The following SYT1 variants were observed in gnomAD, a reference collection of about 807,000 sequenced individuals.
SYT1 encodes synaptotagmin-1.
Under a neutral mutation model 44.8 loss-of-function variants are expected in SYT1, and 8 were observed. The observed-to-expected ratio is 0.18, with a 90% confidence interval of 0.10 to 0.32. SYT1 has a LOEUF of 0.32. Among genes scored for constraint, SYT1 ranks in the 10% least tolerant of loss-of-function variants. SYT1 has a pLI of 1.00. For missense variants in SYT1, 286 were observed against 509.3 expected, an observed-to-expected ratio of 0.56 and a Z score of 4.22; for synonymous variants, 154 against 188.8, an observed-to-expected ratio of 0.82 and a Z score of 1.51.
At chr12:79,093,019 A>G (rs59601041) in intron 3 of SYT1, among the ~76,000 whole-genome samples, 5,146 of 151,784 alleles carry the variant, frequency 0.034, 174 homozygotes, top group South Asian at 0.11. Flanking sequence ...TGTGAATAAC[A>G]TATCTATAAA....
intron 3 of SYT1, among the ~76,000 whole-genome samples, chr12:79,207,811 C>T (rs754463585): frequency 8.5e-5 from 13 of 152,140 alleles, no homozygotes; most frequent in Admixed American, 3.9e-4. Flanking sequence ...TTAAGAACGA[C>T]GGCTCCTAAG....
At chr12:78,991,955 G>T (rs185271483) in intron 2 of SYT1, among the ~76,000 whole-genome samples, 1 of 152,046 alleles carries the variant, frequency 6.6e-6, no homozygotes, top group Admixed American at 6.6e-5. Context: ...ACTTTATTCT[G>T]CAGCCTCAGA....
intron 8 of SYT1, among the ~76,000 whole-genome samples, chr12:79,349,031 GAAAAAGAA>G (rs1475656947): frequency 6.0e-5 from 5 of 83,626 alleles, no homozygotes; most frequent in South Asian, 4.5e-4. Context: ...AAGAAAGAAA[GAAAAAGAA>G]AGAAAGAAAG....
chr12:79,438,984 T>A (rs1373899558), intron 9 of SYT1, among the ~76,000 whole-genome samples: 2 of 152,104 alleles, frequency 1.3e-5, no homozygotes, highest in Non-Finnish European at 2.9e-5. Flanking sequence ...CGAGAAAAAG[T>A]AAGGGAAGAG....
At chr12:78,934,892 C>G (rs1208796524) in intron 1 of SYT1, among the ~76,000 whole-genome samples, 1 of 152,154 alleles carries the variant, frequency 6.6e-6, no homozygotes, top group Non-Finnish European at 1.5e-5. Context: ...GGAATTCAAG[C>G]AGATCGTGCT....
intron 8 of SYT1, among the ~76,000 whole-genome samples, chr12:79,303,629 A>G (rs1880252237): frequency 6.6e-6 from 1 of 152,160 alleles, no homozygotes; most frequent in African/African-American, 2.4e-5. Context: ...GTATCCAAGC[A>G]GAAGGGAAGA....
chr12:79,046,903 A>G (rs893501726), intron 2 of SYT1, among the ~76,000 whole-genome samples: 1 of 151,948 alleles, frequency 6.6e-6, no homozygotes, highest in African/African-American at 2.4e-5. Flanking sequence ...GATTTGTAAT[A>G]GTCATATTGG....
intron 3 of SYT1, among the ~76,000 whole-genome samples, chr12:79,161,533 A>G (rs967052436): frequency 6.6e-6 from 1 of 152,160 alleles, no homozygotes; most frequent in Non-Finnish European, 1.5e-5. Flanking sequence ...TGCATGCCTT[A>G]TGCCAAATAA....
intron 3 of SYT1, among the ~76,000 whole-genome samples, chr12:79,131,459 A>G (rs1396010041): frequency 6.6e-6 from 1 of 152,126 alleles, no homozygotes; most frequent in Admixed American, 6.5e-5. Flanking sequence ...AATATTACAT[A>G]TGGGAAGCTC....
intron 3 of SYT1, among the ~76,000 whole-genome samples, chr12:79,202,977 A>G (rs1453897988): frequency 6.6e-6 from 1 of 152,172 alleles, no homozygotes; most frequent in Non-Finnish European, 1.5e-5. Flanking sequence ...ATGTAATGAA[A>G]ATCTCTTAGA....
intron 9 of SYT1, among the ~76,000 whole-genome samples, chr12:79,369,383 G>A (rs1883690989): frequency 6.6e-6 from 1 of 152,176 alleles, no homozygotes; most frequent in African/African-American, 2.4e-5. Context: ...AGGTGAGGCA[G>A]GAGGATTGCT....
chr12:79,103,353 G>A (rs992537147), intron 3 of SYT1, among the ~76,000 whole-genome samples: 31 of 151,902 alleles, frequency 2.0e-4, no homozygotes, highest in Non-Finnish European at 1.5e-5. Flanking sequence ...AGTGAAAGAG[G>A]AATGAAAATA....
chr12:79,131,181 T>C (rs1394042347), intron 3 of SYT1, among the ~76,000 whole-genome samples: 2 of 151,990 alleles, frequency 1.3e-5, no homozygotes, highest in African/African-American at 4.8e-5. Flanking sequence ...ATGTGCAGAA[T>C]GTGCAGGTTT....
chr12:79,137,763 T>G (rs1245385927), intron 3 of SYT1, among the ~76,000 whole-genome samples: 1 of 152,248 alleles, frequency 6.6e-6, no homozygotes, highest in African/African-American at 2.4e-5. Context: ...AATTCTATAA[T>G]GCATTTCTTT....
intron 4 of SYT1, among the ~76,000 whole-genome samples, chr12:79,275,244 A>G (rs549433586): frequency 5.9e-5 from 9 of 152,198 alleles, no homozygotes; most frequent in Non-Finnish European, 1.2e-4. Flanking sequence ...GTGGAGGAAG[A>G]CTATGGCTCT....
intron 3 of SYT1, among the ~76,000 whole-genome samples, chr12:79,151,635 C>T (rs558365165): frequency 1.3e-5 from 2 of 152,084 alleles, no homozygotes; most frequent in African/African-American, 2.4e-5. Context: ...ATATTGCAGT[C>T]GAGTTGATGA....
rs1469142074 is a variant in SYT1, at chr12:78,916,478, CTAGT to C, written c.-217+51372_-217+51375del. On this transcript the variant is annotated intron_variant, in intron 1 of 10. Coordinates refer to ENST00000261205, the MANE Select transcript of SYT1 (RefSeq NM_005639.3). ...TCTCTTTTTTGTTTCAAAGTTCAGACTAGTTAAATTGACTTATTTCTCTCTTATC... is the reference window on the plus strand; with the variant it reads ...TCTCTTTTTTGTTTCAAAGTTCAGACTAAATTGACTTATTTCTCTCTTATC... Among the ~76,000 whole-genome samples, 6 of 151,930 alleles carry C rather than the reference CTAGT, an allele frequency of 3.9e-5. No individual in the cohort carries two copies. In the East Asian group the frequency reaches 1.2e-3, roughly 29 times the overall value.
intron 3 of SYT1, among the ~76,000 whole-genome samples, chr12:79,105,837 G>A (rs942229494): frequency 2.0e-5 from 3 of 151,000 alleles, no homozygotes; most frequent in African/African-American, 4.9e-5. Context: ...CCTAGATTGC[G>A]CCACTGCACT....
intron 1 of SYT1, among the ~76,000 whole-genome samples, chr12:78,865,385 G>A (rs1185725096): frequency 6.6e-6 from 1 of 151,712 alleles, no homozygotes; most frequent in Non-Finnish European, 1.5e-5. Flanking sequence ...TCTCTCCTCC[G>A]TCCCCCACCC....
Sources: allele counts gnomAD v4.1 joint callset (sites outside exome capture counted in the v4.1 genomes callset), GRCh38; gene constraint gnomAD v4.1.1; transcripts MANE v1.5; gene names NCBI Gene and HGNC (gene_info 2026-07-23, HGNC 2026-07-21).